The following ACO1 variants were observed in gnomAD, a reference collection of about 807,000 sequenced individuals.
The protein encoded by ACO1 is cytoplasmic aconitate hydratase.
Under a neutral mutation model 105.1 loss-of-function variants are expected in ACO1, and 78 were observed. The observed-to-expected ratio is 0.74, with a 90% CI of 0.62 to 0.90. The LOEUF is 0.90. ACO1 is among the 40% of genes least tolerant of loss of function. The pLI, the probability that ACO1 is intolerant of heterozygous loss-of-function variation, is 0.00. For synonymous variants in ACO1, 364 were observed against 397.4 expected (o/e 0.92, Z 1.00); for missense variants, 965 against 1,111.1 (o/e 0.87, Z 1.87).
intron 3 of ACO1, among the ~76,000 whole-genome samples, chr9:32,407,930 A>C (rs1587523634): frequency 6.6e-6 from 1 of 152,156 alleles, no homozygotes; most frequent in East Asian, 1.9e-4. Context: ...CTTGCTCCCC[A>C]TTGCAGCATC....
chr9:32,433,829 C>A lies in ACO1; in HGVS notation c.1953C>A (p.Asn651Lys), dbSNP rs554093149. ...TCAAATCACCACCATTCTTTGAAAA[C>A]CTGGTATGGCTTTTTATTTTTTAAC... ...TYIKSPPFFE[N>K]LTLDLQPPKS... Residue 651 changes from asparagine to lysine, a missense_variant, in exon 16 of 21, where the codon AAC (asparagine) becomes AAA (lysine). Transcript: ENST00000309951. 6.3e-7 allele frequency: 1 copy of A among 1,587,126 alleles called. No homozygotes were observed. The highest frequency in any genetic ancestry group is 8.6e-7 in the Non-Finnish European group (1 of 1,168,790).
At chr9:32,441,854 G>A (rs552802865) in intron 19 of ACO1, among the ~76,000 whole-genome samples, 18 of 152,360 alleles carry the variant, frequency 1.2e-4, no homozygotes, top group African/African-American at 4.3e-4. Flanking sequence ...CCACGTAGCC[G>A]TGCTGGACTG....
In ACO1 at chr9:32,427,538, T is replaced by C. The variant is rs1305121204; in HGVS notation, c.1484+102T>C. 8.8e-6 allele frequency: 13 copies of C among 1,471,536 alleles called. No individual in the cohort carries two copies. In the African/African-American group the frequency reaches 1.4e-4, roughly 16 times the overall value. The allele number at this position is 1,471,536 out of a possible 1,614,324, so 91.2% of individuals were successfully genotyped here. On this transcript the variant is annotated intron_variant, in intron 12 of 20. Coordinates refer to ENST00000309951, the MANE Select transcript of ACO1 (RefSeq NM_002197.3). ...ACAGATGTGAGATTATCTGATGATATCTAATTGCATAGTCGTTTATCAGTT... is the reference window on the plus strand; with the variant it reads ...ACAGATGTGAGATTATCTGATGATACCTAATTGCATAGTCGTTTATCAGTT...
At chr9:32,428,689 AC>A (rs1380927299) in intron 12 of ACO1, among the ~76,000 whole-genome samples, 1 of 151,922 alleles carries the variant, frequency 6.6e-6, no homozygotes, top group Admixed American at 6.6e-5. Flanking sequence ...ATACAAAAAA[AC>A]AAAATTAGCC....
rs113883452 is a variant in ACO1, at chr9:32,438,272, T to C, written c.2247+1875T>C. ...CAAGTGCACTTAAAGTAATGACACATTCAGATATTCAAAAGCTTAAAAAAG... is the reference window on the plus strand; with the variant it reads ...CAAGTGCACTTAAAGTAATGACACACTCAGATATTCAAAAGCTTAAAAAAG... On this transcript the variant is annotated intron_variant, in intron 18 of 20. Transcript: ENST00000309951. Among the ~76,000 whole-genome samples, 210 of 152,304 alleles carry C rather than the reference T, an allele frequency of 1.4e-3. 1 individual carries two copies. Among genetic ancestry groups the C allele is most frequent in the African/African-American group, 4.9e-3 (202 of 41,562 alleles).
At chr9:32,441,613 G>C (rs1328774795) in intron 19 of ACO1, among the ~76,000 whole-genome samples, 1 of 152,092 alleles carries the variant, frequency 6.6e-6, no homozygotes, top group African/African-American at 2.4e-5. Flanking sequence ...CTATTGAAAA[G>C]AACCAGATAA....
intron 1 of ACO1, among the ~76,000 whole-genome samples, chr9:32,388,991 A>G (rs572312650): frequency 6.6e-6 from 1 of 152,378 alleles, no homozygotes; most frequent in African/African-American, 2.4e-5. Context: ...TAGTATAAAA[A>G]TAAGAGAGAG....
chr9:32,409,657 C>T (rs1821691618), intron 4 of ACO1, among the ~76,000 whole-genome samples: 1 of 151,972 alleles, frequency 6.6e-6, no homozygotes, highest in Non-Finnish European at 1.5e-5. Context: ...TTGATACCAG[C>T]CTGGGCAACA....
Position 32,430,593 on chromosome 9 carries a change from A to G in ACO1, c.1726+19A>G. 6.4e-7 allele frequency: 1 copy of G among 1,574,590 alleles called. No individual in the cohort carries two copies. Among genetic ancestry groups the G allele is most frequent in the Non-Finnish European group, 8.6e-7 (1 of 1,161,922 alleles). On this transcript the variant is annotated intron_variant, in intron 14 of 20. Coordinates refer to ENST00000309951, the MANE Select transcript of ACO1 (RefSeq NM_002197.3). ...CCATTGGGTAAGATTTTGTTTGTGC[A>G]GCCATAATTTTTTTCCAGTGAATTC...
chr9:32,406,427 C>A (rs189321560), intron 2 of ACO1, among the ~76,000 whole-genome samples: 2 of 152,204 alleles, frequency 1.3e-5, no homozygotes, highest in Non-Finnish European at 2.9e-5. Context: ...TTAAGACTAG[C>A]CTGGGCAACA....
chr9:32,416,225 G>T (rs1195223494), intron 4 of ACO1, among the ~76,000 whole-genome samples: 1 of 151,696 alleles, frequency 6.6e-6, no homozygotes, highest in Non-Finnish European at 1.5e-5. Context: ...CTCTCGAGTA[G>T]CTGGGATTAC....
intron 1 of ACO1, among the ~76,000 whole-genome samples, chr9:32,392,314 G>A (rs978541259): frequency 3.9e-5 from 6 of 152,320 alleles, no homozygotes; most frequent in African/African-American, 1.4e-4. Context: ...ACCATGGCAA[G>A]ATACTTAGCC....
chr9:32,408,142 G>A (rs1821654868), intron 3 of ACO1, among the ~76,000 whole-genome samples: 1 of 152,186 alleles, frequency 6.6e-6, no homozygotes, highest in Admixed American at 6.5e-5. Flanking sequence ...CTGAAAAGGT[G>A]TGATCTGAAA....
chr9:32,449,984 T>C lies in ACO1; in HGVS notation c.2557-14T>C, dbSNP rs746199717. ...CACCTCCCTCAATGATGCTTCTGTTTCTTTGTGCCACAGCTGGATACTGGC... is the reference window on the plus strand; with the variant it reads ...CACCTCCCTCAATGATGCTTCTGTTCCTTTGTGCCACAGCTGGATACTGGC... On this transcript the variant is annotated splice_polypyrimidine_tract_variant and intron_variant, in intron 20 of 20. Coordinates refer to ENST00000309951, the MANE Select transcript of ACO1 (RefSeq NM_002197.3). The C allele has an allele frequency of 3.7e-6, 6 of 1,609,994 alleles. No homozygotes were observed. In the East Asian group the frequency reaches 1.1e-4, roughly 30 times the overall value.
At chr9:32,390,370 A>T (rs911217455) in intron 1 of ACO1, among the ~76,000 whole-genome samples, 1 of 152,154 alleles carries the variant, frequency 6.6e-6, no homozygotes, top group Non-Finnish European at 1.5e-5. Context: ...TTCATCTTCC[A>T]CTTCGTAGTT....
intron 1 of ACO1, among the ~76,000 whole-genome samples, chr9:32,396,026 C>T (rs1297559968): frequency 2.0e-5 from 3 of 152,196 alleles, no homozygotes; most frequent in African/African-American, 7.2e-5. Context: ...GGCCCTGGTT[C>T]CCCAAGTCCT....
chr9:32,441,982 G>T (rs1298367309), intron 19 of ACO1, among the ~76,000 whole-genome samples: 2 of 152,240 alleles, frequency 1.3e-5, no homozygotes, highest in Non-Finnish European at 2.9e-5. Flanking sequence ...TACCTCCCTA[G>T]AATACATCCA....
At chr9:32,441,252 C>A (rs1194868558) in intron 19 of ACO1, among the ~76,000 whole-genome samples, 2 of 152,122 alleles carry the variant, frequency 1.3e-5, no homozygotes, top group Non-Finnish European at 2.9e-5. Context: ...ATAGAAGGGG[C>A]CATGCAGGGA....
At chr9:32,418,637 A>T in intron 6 of ACO1, 126 bp downstream of exon 6, 1 of 1,117,904 alleles carries the variant, frequency 8.9e-7, no homozygotes, top group Non-Finnish European at 1.3e-6. Context: ...CAGTTTTGTC[A>T]CTGCTGTTTT....
Sources: gnomAD v4.1 joint callset for allele counts (sites outside exome capture counted in the v4.1 genomes callset) on GRCh38, gnomAD v4.1.1 for gene constraint, MANE v1.5 for transcripts, NCBI Gene and HGNC (gene_info 2026-07-23, HGNC 2026-07-21) for gene names.